BCL11B: variants seen among roughly 807,000 people sequenced by gnomAD.
BCL11B encodes BCL11 transcription factor B.
BCL11B carries 8 observed loss-of-function variants against 49.9 expected under a neutral mutation model. The ratio of observed to expected loss-of-function variants is 0.16; its 90% CI spans 0.09 to 0.29. The LOEUF (loss-of-function observed/expected upper bound fraction) is 0.29. Ranked by LOEUF, BCL11B falls within the 10% of genes least tolerant of loss-of-function variation. The probability of loss-of-function intolerance (pLI) is 1.00; values close to 1 mark genes in which losing one functional copy is unlikely to be tolerated. For synonymous variants in BCL11B, 739 were observed against 637.4 expected (o/e 1.16, Z -2.40); for missense variants, 1,006 against 1,351.0 (o/e 0.74, Z 4.00).
At chr14:99,177,896 A>C (rs1006204805) in intron 3 of BCL11B, among the ~76,000 whole-genome samples, 1 of 152,168 alleles carries the variant, frequency 6.6e-6, no homozygotes, top group Non-Finnish European at 1.5e-5. Flanking sequence ...TTATAGGCAC[A>C]TAAACTTTCA....
At chr14:99,269,317 T>A (rs957659451) in intron 1 of BCL11B, among the ~76,000 whole-genome samples, 3 of 152,094 alleles carry the variant, frequency 2.0e-5, no homozygotes, top group Non-Finnish European at 4.4e-5. Context: ...TGCTGTGGCT[T>A]GGTAAAGGAT....
At chr14:99,227,733 T>C (rs1888198502) in intron 3 of BCL11B, among the ~76,000 whole-genome samples, 1 of 152,160 alleles carries the variant, frequency 6.6e-6, no homozygotes, top group South Asian at 2.1e-4. Context: ...AATGACTTCT[T>C]TAGGGCCCCT....
rs1315778565 is a variant in BCL11B at position 99,172,589 on chromosome 14, C to T, written c.*1562G>A. The T allele has an allele frequency of 4.8e-6, 1 of 209,046 alleles. No individual in the cohort carries two copies. Among genetic ancestry groups the T allele is most frequent in the Non-Finnish European group, 9.7e-6 (1 of 102,770 alleles). The allele number at this position is 209,046 out of a possible 1,614,324, so 12.9% of individuals were successfully genotyped here. On this transcript the variant is annotated 3_prime_UTR_variant, in exon 4 of 4. Coordinates refer to ENST00000357195, the MANE Select transcript of BCL11B (RefSeq NM_138576.4). Reference sequence around the variant, plus strand: ...ATTGAATGGCAGTAGAAAAACTGTCCTATAAATTATTATTTTATTTTGTTC... The same window carrying T: ...ATTGAATGGCAGTAGAAAAACTGTCTTATAAATTATTATTTTATTTTGTTC...
intron 2 of BCL11B, among the ~76,000 whole-genome samples, chr14:99,249,101 G>A (rs1284222558): frequency 2.6e-5 from 4 of 152,086 alleles, no homozygotes; most frequent in African/African-American, 9.7e-5. Flanking sequence ...ACCCCACTCT[G>A]GAACCCAAGT....
chr14:99,241,211 TG>T lies in BCL11B; in HGVS notation c.428-9655del, dbSNP rs1218650375. On this transcript the variant is annotated intron_variant, in intron 2 of 3. Transcript: ENST00000357195. This position sits in a 1 kb window ranked among gnomAD's most constrained non-coding sequence, Gnocchi z 4.4. Reference sequence around the variant, plus strand: ...TTATTTTTTTTAAATCTACAGCCTCTGTTTGGCTGTAATTACCCAGGAAGTT... The same window carrying T: ...TTATTTTTTTTAAATCTACAGCCTCTTTTGGCTGTAATTACCCAGGAAGTT... Among the ~76,000 whole-genome samples the T allele has an allele frequency of 1.3e-5, 2 of 152,136 alleles. No homozygotes were observed. The highest frequency in any genetic ancestry group is 4.8e-5 in the African/African-American group (2 of 41,422).
chr14:99,221,787 C>T (rs1888016569), intron 3 of BCL11B, among the ~76,000 whole-genome samples: 1 of 152,258 alleles, frequency 6.6e-6, no homozygotes, highest in Non-Finnish European at 1.5e-5. Context: ...AAATTCAGAG[C>T]TGGGAGAGAA....
intron 2 of BCL11B, among the ~76,000 whole-genome samples, chr14:99,236,371 T>C (rs1888499560): frequency 6.6e-6 from 1 of 152,230 alleles, no homozygotes; most frequent in Non-Finnish European, 1.5e-5. Flanking sequence ...GTCAAATGCC[T>C]GGCTCACATT....
rs1381619247 is a variant in BCL11B at position 99,189,106 on chromosome 14, T to C, written c.641-12911A>G. ...GTACTCAGCCTAAGGCTACAGCACA[T>C]TATGGTAATTCTAATGTCAGATGTA... On this transcript the variant is annotated intron_variant, in intron 3 of 3. Coordinates refer to ENST00000357195, the MANE Select transcript of BCL11B (RefSeq NM_138576.4). Among the ~76,000 whole-genome samples the C allele has an allele frequency of 2.0e-5, 3 of 152,232 alleles. No homozygotes were observed. In the East Asian group the frequency reaches 5.8e-4, roughly 29 times the overall value.
chr14:99,238,319 C>T (rs1224046160), intron 2 of BCL11B, among the ~76,000 whole-genome samples: 1 of 152,206 alleles, frequency 6.6e-6, no homozygotes, highest in Non-Finnish European at 1.5e-5. Context: ...CCAGCAGCTG[C>T]CTCTTGCAAT....
Position 99,170,296 on chromosome 14 carries a change from G to C in BCL11B, c.*3855C>G. On this transcript the variant is annotated 3_prime_UTR_variant, in exon 4 of 4. Transcript: ENST00000357195. ...ACTTTGCAAAGGTAAGTGGCAAGGA[G>C]GAAAGAGTGCATCGAACAGAAAAGC... is the stretch of plus-strand genomic sequence containing the variant. 1 of 221,488 alleles carries C rather than the reference G, an allele frequency of 4.5e-6. No individual in the cohort carries two copies. The highest frequency in any genetic ancestry group is 9.0e-6 in the Non-Finnish European group (1 of 110,534). The allele number at this position is 221,488 out of a possible 1,614,324, so 13.7% of individuals were successfully genotyped here. A position where few individuals can be genotyped will look rare whatever the true frequency, so the allele number is the denominator to read the frequency against.
chr14:99,207,174 C>A (rs1887555748), intron 3 of BCL11B, among the ~76,000 whole-genome samples: 1 of 152,136 alleles, frequency 6.6e-6, no homozygotes, highest in South Asian at 2.1e-4. Flanking sequence ...TTGTATGATT[C>A]TCATTCTTTC....
At position 99,247,028 on chromosome 14, in the gene BCL11B, C is replaced by T. The variant is rs886650876; in HGVS notation, c.427+10443G>A. 6.6e-6 allele frequency among the ~76,000 whole-genome samples: 1 copy of T among 152,072 alleles called. No individual in the cohort carries two copies. The highest frequency in any genetic ancestry group is 1.5e-5 in the Non-Finnish European group (1 of 68,010). ...CTCCGCAGCCTGGAGCCTCGCGTCC[C>T]GCCTCCCCGCAACACGCTGTTTTCA... is the stretch of plus-strand genomic sequence containing the variant. On this transcript the variant is annotated intron_variant, in intron 2 of 3. Coordinates refer to ENST00000357195, the MANE Select transcript of BCL11B (RefSeq NM_138576.4). This position sits in a 1 kb window ranked among gnomAD's most constrained non-coding sequence, Gnocchi z 4.5.
At chr14:99,266,680 C>G (rs575475157) in intron 1 of BCL11B, among the ~76,000 whole-genome samples, 14 of 152,208 alleles carry the variant, frequency 9.2e-5, no homozygotes, top group Non-Finnish European at 1.8e-4. Context: ...GATGGAAGCC[C>G]GTTCCTAGCC....
At position 99,170,762 on chromosome 14, in the gene BCL11B, C is replaced by T. The variant is rs1566789982; in HGVS notation, c.*3389G>A. ...CAAGAGGCCAACACTCTCCATGGCACGAAAGGTCCTGGCTGTGATGGAGTC... is the reference window on the plus strand; with the variant it reads ...CAAGAGGCCAACACTCTCCATGGCATGAAAGGTCCTGGCTGTGATGGAGTC... On this transcript the variant is annotated 3_prime_UTR_variant, in exon 4 of 4. Transcript: ENST00000357195. 8.6e-6 allele frequency: 2 copies of T among 233,192 alleles called. No individual in the cohort carries two copies. Among genetic ancestry groups the T allele is most frequent in the Non-Finnish European group, 1.7e-5 (2 of 117,858 alleles). The allele number at this position is 233,192 out of a possible 1,614,324, so 14.4% of individuals were successfully genotyped here.
chr14:99,178,074 C>T (rs1370879149), intron 3 of BCL11B, among the ~76,000 whole-genome samples: 1 of 152,086 alleles, frequency 6.6e-6, no homozygotes, highest in Admixed American at 6.5e-5. Context: ...CAGAAGGCTT[C>T]GTGCTGTCCG....
intron 3 of BCL11B, among the ~76,000 whole-genome samples, chr14:99,179,452 C>T (rs1269296024): frequency 1.7e-5 from 2 of 117,500 alleles, no homozygotes; most frequent in Non-Finnish European, 3.2e-5. Flanking sequence ...CCAGCCTGGG[C>T]GACAGAATGA....
chr14:99,258,241 G>A (rs1405710902), intron 1 of BCL11B, among the ~76,000 whole-genome samples: 1 of 152,200 alleles, frequency 6.6e-6, no homozygotes, highest in African/African-American at 2.4e-5. Flanking sequence ...ATCACCTGGA[G>A]GGTTTGAAAA....
chr14:99,175,192 G>C lies in BCL11B; in HGVS notation c.1644C>G (p.Asn548Lys). The change falls in exon 4 of 4, where the codon AAC becomes AAG. Residue 548 changes from asparagine (N) to lysine (K), a missense_variant. Coordinates refer to ENST00000357195, the MANE Select transcript of BCL11B (RefSeq NM_138576.4). ...TGAAGCTCGACTCGGGCCGGCTCTC[G>C]TTCTCCAGTAGCAGCTCCTCCTCCT... is the stretch of plus-strand genomic sequence containing the variant. ...EEEEEELLLE[N>K]ESRPESSFSM... 1 of 1,567,800 alleles carries C rather than the reference G, an allele frequency of 6.4e-7. No homozygotes were observed. Among genetic ancestry groups the C allele is most frequent in the Non-Finnish European group, 8.6e-7 (1 of 1,158,820 alleles).
chr14:99,181,069 A>G (rs1886686187), intron 3 of BCL11B, among the ~76,000 whole-genome samples: 1 of 152,236 alleles, frequency 6.6e-6, no homozygotes, highest in Non-Finnish European at 1.5e-5. Context: ...TGAAATTATT[A>G]TCCAATGAAA....
Sources: gnomAD v4.1 joint callset for allele counts (sites outside exome capture counted in the v4.1 genomes callset) on GRCh38, gnomAD v4.1.1 for gene constraint, Gnocchi (gnomAD v3.1) non-coding constraint, MANE v1.5 for transcripts, NCBI Gene and HGNC (gene_info 2026-07-23, HGNC 2026-07-21) for gene names.